SCG2: variants seen among roughly 807,000 people sequenced by gnomAD.
The protein encoded by SCG2 is secretogranin II.
In SCG2, 23 loss-of-function variants were observed where a neutral mutation model predicts 49.5. That is an observed-to-expected ratio of 0.46 (90% confidence interval 0.33 to 0.66). The LOEUF (loss-of-function observed/expected upper bound fraction) is 0.66, where lower values mean the gene tolerates loss of function less well. Among genes scored for constraint, SCG2 ranks in the 30% least tolerant of loss-of-function variants. SCG2 has a pLI of 0.01. For missense variants in SCG2, 730 were observed against 728.2 expected (o/e 1.00, Z -0.03); for synonymous variants, 288 against 260.4 (o/e 1.11, Z -1.02).
chr2:223,600,367 G>C (rs55894515), intron 1 of SCG2, among the ~76,000 whole-genome samples: 7 of 152,044 alleles, frequency 4.6e-5, no homozygotes, highest in Non-Finnish European at 7.4e-5. Context: ...CACAGATGAT[G>C]TGCTGAATTC....
In SCG2 at chr2:223,598,911, C is replaced by A. The variant is rs764917896; in HGVS notation, c.372G>T (p.Glu124Asp). Residue 124 changes from glutamate to aspartate, a missense_variant, in exon 2 of 2, where the codon GAG becomes GAT. Physicochemically the swap from Glu to Asp is conservative, Grantham distance 45. Transcript: ENST00000305409. ...ILEALRQAEN[E>D]PQSAPKENKP... ...TATTTTCTTTTGGTGCAGACTGAGGCTCATTTTCAGCCTGTCTCAAAGCTT... is the reference window on the plus strand; with the variant it reads ...TATTTTCTTTTGGTGCAGACTGAGGATCATTTTCAGCCTGTCTCAAAGCTT... The A allele has an allele frequency of 8.8e-5, 142 of 1,614,020 alleles. 1 individual carries two copies. Among genetic ancestry groups the A allele is most frequent in the Middle Eastern group, 8.2e-4 (5 of 6,082 alleles).
chr2:223,599,220 G>C lies in SCG2; in HGVS notation c.63C>G (p.Leu21=), dbSNP rs1691352978. 1.1e-5 allele frequency: 17 copies of C among 1,608,974 alleles called. No individual in the cohort carries two copies. The highest frequency in any genetic ancestry group is 1.4e-5 in the Non-Finnish European group (16 of 1,175,648). Residue 21 remains leucine (L), a synonymous_variant, in exon 2 of 2, where the codon CTC becomes CTG. Transcript: ENST00000305409. ...AALSLIPLIF[L]ISGAEAASFQ... ...ATGAAGCTGCTTCAGCCCCAGAGAT[G>C]AGGAAAATTAAAGGGATAAGAGACA...
Position 223,598,308 on chromosome 2 carries a change from C to T in SCG2, c.975G>A (p.Arg325=), listed in dbSNP as rs755309762. ...KRLVNAAGSG[R]LQNGQNGERA... ...TTTCCCCATTTTGCCCATTCTGTAA[C>T]CTCCCACTTCCTGCAGCATTTACTA... The change falls in exon 2 of 2, where the codon AGG becomes AGA. Residue 325 remains arginine (R), a synonymous_variant. Transcript: ENST00000305409. 6.2e-6 allele frequency: 10 copies of T among 1,613,992 alleles called. No homozygotes were observed. The highest frequency in any genetic ancestry group is 8.5e-6 in the Non-Finnish European group (10 of 1,180,038).
chr2:223,599,035 C>A lies in SCG2; in HGVS notation c.248G>T (p.Gly83Val). 6.2e-7 allele frequency: 1 copy of A among 1,614,132 alleles called. No individual in the cohort carries two copies. The highest frequency in any genetic ancestry group is 8.5e-7 in the Non-Finnish European group (1 of 1,180,030). ...ESSPDYNPYQ[G>V]VSVPLQQKEN... is the part of the protein sequence containing the mutation. ...TTTTTGCTGAAGGGGGACAGAGACA[C>A]CTTGGTAGGGATTATAATCTGGGCT... is the stretch of plus-strand genomic sequence containing the variant. The change falls in exon 2 of 2, where the codon GGT becomes GTT. Residue 83 changes from glycine (G) to valine (V), a missense_variant. Physicochemically the swap from Gly to Val is moderately radical, Grantham distance 109. Transcript: ENST00000305409.
Position 223,598,326 on chromosome 2 carries a change from A to G in SCG2, c.957T>C (p.Asn319=). 1 of 1,613,988 alleles carries G rather than the reference A, an allele frequency of 6.2e-7. No individual in the cohort carries two copies. The highest frequency in any genetic ancestry group is 8.5e-7 in the Non-Finnish European group (1 of 1,180,034). The change falls in exon 2 of 2, where the codon AAT becomes AAC. Residue 319 remains asparagine (N), a synonymous_variant. Coordinates refer to ENST00000305409, the MANE Select transcript of SCG2 (RefSeq NM_003469.5). The stretch of plus-strand genomic sequence containing the variant: ...TCTGTAACCTCCCACTTCCTGCAGC[A>G]TTTACTAACCTTTTCAAATAGGCAA... ...KVIAYLKRLV[N]AAGSGRLQNG...
At chr2:223,600,281 C>A (rs1691371363) in intron 1 of SCG2, among the ~76,000 whole-genome samples, 1 of 152,018 alleles carries the variant, frequency 6.6e-6, no homozygotes, top group Non-Finnish European at 1.5e-5. Flanking sequence ...TGGTATGGAC[C>A]TGTGAAATCT....
rs754375725 is a variant in SCG2, at chr2:223,598,964, CACTCAGTG to C, written c.311_318del (p.Ser104Ter). The C allele has an allele frequency of 1.2e-6, 2 of 1,614,232 alleles. No homozygotes were observed. Among genetic ancestry groups the C allele is most frequent in the Non-Finnish European group, 1.7e-6 (2 of 1,180,040 alleles). On this transcript the variant is annotated frameshift_variant, in exon 2 of 2. Transcript: ENST00000305409. LOFTEE classifies it high-confidence loss of function. ...AGTATTATTCTCATCCAGTCTTCTT[CACTCAGTG>C]AATCCCTCTCGGGCAAGTGGCTTTC... is the stretch of plus-strand genomic sequence containing the variant.
At chr2:223,600,642 T>C (rs1691376276) in intron 1 of SCG2, among the ~76,000 whole-genome samples, 1 of 152,154 alleles carries the variant, frequency 6.6e-6, no homozygotes, top group Non-Finnish European at 1.5e-5. Flanking sequence ...ACATCAATTG[T>C]AGAAAATACC....
In SCG2 at chr2:223,597,395, G is replaced by A. The variant is rs764477528; in HGVS notation, c.*34C>T. 12 of 1,552,504 alleles carry A rather than the reference G, an allele frequency of 7.7e-6. No individual in the cohort carries two copies. The highest frequency in any genetic ancestry group is 9.6e-6 in the Non-Finnish European group (11 of 1,149,524). On this transcript the variant is annotated 3_prime_UTR_variant, in exon 2 of 2. Transcript: ENST00000305409. The stretch of plus-strand genomic sequence containing the variant: ...AAATGTTGGGATTTGCTTGGGGTGG[G>A]AGGAATGAAAGTAGGGTAATTAATG...
In SCG2 at chr2:223,598,221, G is replaced by A. The variant is rs573769117; in HGVS notation, c.1062C>T (p.Ile354=). ...CTGGGGGTATCTGTAAATTCCTTGA[G>A]ATTTCAATCAGCTGATAAATAGACT... ...DSQSIYQLIE[I]SRNLQIPPED... Residue 354 remains isoleucine, a synonymous_variant, in exon 2 of 2, where the codon ATC becomes ATT. Coordinates refer to ENST00000305409, the MANE Select transcript of SCG2 (RefSeq NM_003469.5). 6.2e-7 allele frequency: 1 copy of A among 1,614,154 alleles called. No individual in the cohort carries two copies. The highest frequency in any genetic ancestry group is 8.5e-7 in the Non-Finnish European group (1 of 1,180,024).
chr2:223,598,934 C>T lies in SCG2; in HGVS notation c.349G>A (p.Ala117Thr). The T allele has an allele frequency of 6.2e-7, 1 of 1,614,184 alleles. No homozygotes were observed. The highest frequency in any genetic ancestry group is 8.5e-7 in the Non-Finnish European group (1 of 1,180,026). ...EEDWMRIILEALRQAENEPQS... is the reference protein window; with the variant it reads ...EEDWMRIILETLRQAENEPQS... Reference sequence around the variant, plus strand: ...GGCTCATTTTCAGCCTGTCTCAAAGCTTCGAGTATTATTCTCATCCAGTCT... The same window carrying T: ...GGCTCATTTTCAGCCTGTCTCAAAGTTTCGAGTATTATTCTCATCCAGTCT... The change falls in exon 2 of 2, where the codon GCT (alanine) becomes ACT (threonine). Residue 117 changes from alanine (A) to threonine (T), a missense_variant. Physicochemically the swap from Ala to Thr is moderately conservative, Grantham distance 58 (BLOSUM62 0). Transcript: ENST00000305409.
Position 223,597,700 on chromosome 2 carries a change from G to A in SCG2, c.1583C>T (p.Pro528Leu). The change falls in exon 2 of 2, where the codon CCT (proline) becomes CTT (leucine). Residue 528 changes from proline (P) to leucine (L), a missense_variant. Pro to Leu is a moderately conservative substitution (Grantham distance 98). Coordinates refer to ENST00000305409, the MANE Select transcript of SCG2 (RefSeq NM_003469.5). ...GTCATCTTCAGATGAGCCTTGACCA[G>A]GAACTCGCTTCACTTGGTTTGAATT... ...IINSNQVKRV[P>L]GQGSSEDDLQ... is the part of the protein sequence containing the mutation. The A allele has an allele frequency of 6.2e-7, 1 of 1,614,112 alleles. No homozygotes were observed.
chr2:223,598,206 C>A lies in SCG2; in HGVS notation c.1077G>T (p.Gln359His). Reference sequence around the variant, plus strand: ...TCTCAATTAAGTCTTCTGGGGGTATCTGTAAATTCCTTGAGATTTCAATCA... The same window carrying A: ...TCTCAATTAAGTCTTCTGGGGGTATATGTAAATTCCTTGAGATTTCAATCA... ...YQLIEISRNL[Q>H]IPPEDLIEML... Residue 359 changes from glutamine (Q) to histidine (H), a missense_variant, in exon 2 of 2, where the codon CAG becomes CAT. Physicochemically the swap from Gln to His is conservative, Grantham distance 24 (BLOSUM62 0). Coordinates refer to ENST00000305409, the MANE Select transcript of SCG2 (RefSeq NM_003469.5). 1.9e-6 allele frequency: 3 copies of A among 1,614,166 alleles called. No individual in the cohort carries two copies. The highest frequency in any genetic ancestry group is 2.5e-6 in the Non-Finnish European group (3 of 1,180,024).
At chr2:223,601,947 A>G (rs1007434295) in intron 1 of SCG2, among the ~76,000 whole-genome samples, 2 of 152,224 alleles carry the variant, frequency 1.3e-5, no homozygotes, top group African/African-American at 4.8e-5. Flanking sequence ...TGGCAGAAAT[A>G]ATAAATTTTG....
Position 223,597,592 on chromosome 2 carries a change from G to C in SCG2, c.1691C>G (p.Pro564Arg). Reference sequence around the variant, plus strand: ...CCCCACAGGGAACCTTTTGCTCACCGGGGCCAGCTTGTCAGTCTCCTGAGA... The same window carrying C: ...CCCCACAGGGAACCTTTTGCTCACCCGGGCCAGCTTGTCAGTCTCCTGAGA... ...GSSQETDKLA[P>R]VSKRFPVGPP... Residue 564 changes from proline (P) to arginine (R), a missense_variant, in exon 2 of 2, where the codon CCG becomes CGG. By Grantham distance (103) the Pro-to-Arg change is moderately radical. Coordinates refer to ENST00000305409, the MANE Select transcript of SCG2 (RefSeq NM_003469.5). 1 of 1,614,012 alleles carries C rather than the reference G, an allele frequency of 6.2e-7. No individual in the cohort carries two copies. Among genetic ancestry groups the C allele is most frequent in the Non-Finnish European group, 8.5e-7 (1 of 1,179,996 alleles).
chr2:223,601,631 C>T (rs537743474), intron 1 of SCG2, among the ~76,000 whole-genome samples: 2 of 152,140 alleles, frequency 1.3e-5, no homozygotes, highest in East Asian at 1.9e-4. Context: ...AATTACAACC[C>T]AAGATAATAT....
Position 223,598,040 on chromosome 2 carries a change from A to G in SCG2, c.1243T>C (p.Tyr415His). Residue 415 changes from tyrosine to histidine, a missense_variant, in exon 2 of 2, where the codon TAC (tyrosine) becomes CAC (histidine). Tyr to His is a moderately conservative substitution (Grantham distance 83). Coordinates refer to ENST00000305409, the MANE Select transcript of SCG2 (RefSeq NM_003469.5). The part of the protein sequence containing the change: ...FQNRMLSKSG[Y>H]PKTPGRAGTE... ...CCAGCACGACCAGGTGTTTTAGGGT[A>G]GCCACTCTTGGAGAGCATCCTATTT... The G allele has an allele frequency of 8.7e-6, 14 of 1,610,250 alleles. No individual in the cohort carries two copies. Among genetic ancestry groups the G allele is most frequent in the Non-Finnish European group, 1.1e-5 (13 of 1,178,162 alleles).
In SCG2 at chr2:223,599,140, T is replaced by C. The variant is rs376903779; in HGVS notation, c.143A>G (p.Gln48Arg). The change falls in exon 2 of 2, where the codon CAA becomes CGA. Residue 48 changes from glutamine (Q) to arginine (R), a missense_variant. By Grantham distance (43) the Gln-to-Arg change is conservative. Coordinates refer to ENST00000305409, the MANE Select transcript of SCG2 (RefSeq NM_003469.5). ...GATCATTTCAGGACTGGGAAACTTT[T>C]GGACATTTTCCAACCTGAGGTCTGG... ...KEPDLRLENV[Q>R]KFPSPEMIRA... 34 of 1,614,016 alleles carry C rather than the reference T, an allele frequency of 2.1e-5. No individual in the cohort carries two copies. The African/African-American group carries it at 4.5e-4, about 22-fold the overall frequency.
In SCG2 at chr2:223,599,247, G is replaced by A; in HGVS notation, c.36C>T (p.Ala12=). 6.3e-7 allele frequency: 1 copy of A among 1,596,142 alleles called. No individual in the cohort carries two copies. Among genetic ancestry groups the A allele is most frequent in the African/African-American group, 1.3e-5 (1 of 74,532 alleles). The change falls in exon 2 of 2, where the codon GCC becomes GCT. Residue 12 remains alanine, a synonymous_variant. Coordinates refer to ENST00000305409, the MANE Select transcript of SCG2 (RefSeq NM_003469.5). ...GGAAAATTAAAGGGATAAGAGACAGGGCTGCTCCAAGCCAGTGGGTCTTTG... is the reference window on the plus strand; with the variant it reads ...GGAAAATTAAAGGGATAAGAGACAGAGCTGCTCCAAGCCAGTGGGTCTTTG... ...AEAKTHWLGA[A]LSLIPLIFLI...
Sources: gnomAD v4.1 joint callset for allele counts (sites outside exome capture counted in the v4.1 genomes callset) on GRCh38, gnomAD v4.1.1 for gene constraint, MANE v1.5 for transcripts, NCBI Gene and HGNC (gene_info 2026-07-23, HGNC 2026-07-21) for gene names.